Variants in KLRG1 observed in about 807,000 individuals in gnomAD.
KLRG1 encodes the protein killer cell lectin like receptor G1.
In KLRG1, 16 loss-of-function variants were observed where a neutral mutation model predicts 21.8. The observed-to-expected ratio is 0.73, with a 90% confidence interval of 0.50 to 1.11. KLRG1 has a LOEUF of 1.11. Ranked by LOEUF, KLRG1 falls within the 50% of genes most tolerant of loss-of-function variation. The pLI is 0.00. For synonymous variants in KLRG1, 69 were observed against 75.9 expected, an observed-to-expected ratio of 0.91 and a Z score of 0.47; for missense variants, 173 against 218.3, an observed-to-expected ratio of 0.79 and a Z score of 1.31.
chr12:8,952,364 G>A (rs1946219537), intron 1 of KLRG1, among the ~76,000 whole-genome samples: 1 of 152,156 alleles, frequency 6.6e-6, no homozygotes, highest in Non-Finnish European at 1.5e-5. Context: ...GCTAATCTTT[G>A]TATTTTTTGT....
the KLRG1 span, among the ~76,000 whole-genome samples, chr12:9,171,360 C>T: frequency 7.2e-4 from 110 of 152,260 alleles, no homozygotes; most frequent in Admixed American, 1.3e-3. Context: ...CAAAGGGCAG[C>T]AGCCTCAAGG....
At chr12:9,093,614 C>A in the KLRG1 span, 2 of 1,206,524 alleles carry the variant, frequency 1.7e-6, no homozygotes, top group Non-Finnish European at 2.3e-6. Flanking sequence ...TTACAATAAA[C>A]ATACAGATAA....
At chr12:9,196,854 G>A in the KLRG1 span, among the ~76,000 whole-genome samples, 4 of 151,976 alleles carry the variant, frequency 2.6e-5, no homozygotes, top group South Asian at 2.1e-4. Context: ...AAAGTTAGTC[G>A]TCCAAATGAG....
chr12:9,115,949 G>T, the KLRG1 span: 1 of 942,120 alleles, frequency 1.1e-6, no homozygotes, highest in Non-Finnish European at 1.7e-6. Context: ...TGGGCTTTAT[G>T]CTGCTCTGTG....
chr12:9,165,469 C>T, the KLRG1 span: 13 of 1,327,806 alleles, frequency 9.8e-6, no homozygotes, highest in South Asian at 5.4e-5. Context: ...ACTGAATCCA[C>T]TTAAGGGTAT....
At chr12:9,113,539 A>G in the KLRG1 span, 1 of 1,613,402 alleles carries the variant, frequency 6.2e-7, no homozygotes, top group East Asian at 2.2e-5. Context: ...AGAACCATAT[A>G]CTGCCTGGGA....
At chr12:9,017,726 A>G in the KLRG1 span, among the ~76,000 whole-genome samples, 1 of 152,166 alleles carries the variant, frequency 6.6e-6, no homozygotes, top group African/African-American at 2.4e-5. Context: ...GCCCATTTTC[A>G]CCACCGTTAT....
the KLRG1 span, among the ~76,000 whole-genome samples, chr12:9,089,747 A>G: frequency 6.6e-6 from 1 of 152,192 alleles, no homozygotes; most frequent in African/African-American, 2.4e-5. Flanking sequence ...CCTCAAAAAC[A>G]AAAACAAAAA....
At chr12:9,157,305 T>C in the KLRG1 span, 1 of 1,614,086 alleles carries the variant, frequency 6.2e-7, no homozygotes, top group Admixed American at 1.7e-5. Context: ...CCTCCTTTGC[T>C]ACATTCCAGG....
At chr12:8,994,969 C>T (rs923225549) in intron 2 of KLRG1, 150 bp from the exon 3 acceptor site, 1 of 585,352 alleles carries the variant, frequency 1.7e-6, no homozygotes, top group African/African-American at 1.9e-5. Flanking sequence ...CAAATTGACA[C>T]CACGCATTGT....
chr12:9,065,266 A>G, the KLRG1 span: 1 of 149,718 alleles, frequency 6.7e-6, no homozygotes, highest in Non-Finnish European at 1.5e-5. Flanking sequence ...CCCCTTCCGA[A>G]CTGGTGGAGC....
chr12:8,989,846 T>C, intron 1 of KLRG1, 129 bp downstream of exon 1: 1 of 623,328 alleles, frequency 1.6e-6, no homozygotes, highest in South Asian at 2.0e-5. Flanking sequence ...TACTTTTGGT[T>C]CAGTTTAAAG....
At chr12:9,065,386 C>T in the KLRG1 span, among the ~76,000 whole-genome samples, 1 of 152,130 alleles carries the variant, frequency 6.6e-6, no homozygotes, top group Non-Finnish European at 1.5e-5. Context: ...AGGGTGCCTA[C>T]TCCGGCTGCC....
intron 1 of KLRG1, among the ~76,000 whole-genome samples, chr12:8,972,722 T>C (rs1190808088): frequency 6.6e-6 from 1 of 152,222 alleles, no homozygotes; most frequent in Non-Finnish European, 1.5e-5. Flanking sequence ...AGCTTTCTGA[T>C]ATATCTTGAA....
the KLRG1 span, chr12:9,196,652 G>A: frequency 6.2e-7 from 1 of 1,613,320 alleles, no homozygotes; most frequent in Non-Finnish European, 8.5e-7. Context: ...ATTTTGGTGT[G>A]TACTTGTTGG....
chr12:9,085,303 A>G, the KLRG1 span, among the ~76,000 whole-genome samples: 1 of 152,134 alleles, frequency 6.6e-6, no homozygotes, highest in Non-Finnish European at 1.5e-5. Context: ...GTTTCATCGT[A>G]TCAAGTATCT....
At chr12:9,184,884 A>G in the KLRG1 span, among the ~76,000 whole-genome samples, 1 of 152,198 alleles carries the variant, frequency 6.6e-6, no homozygotes, top group Non-Finnish European at 1.5e-5. Flanking sequence ...TTATACCACA[A>G]TCAAACCTCC....
chr12:9,027,755 C>T, the KLRG1 span: 7 of 1,383,614 alleles, frequency 5.1e-6, no homozygotes, highest in African/African-American at 1.4e-5. Context: ...TTACCAAATC[C>T]ATTATAGCCA....
the KLRG1 span, among the ~76,000 whole-genome samples, chr12:9,095,251 C>A: frequency 5.3e-4 from 80 of 152,276 alleles, 1 homozygote; most frequent in East Asian, 0.015. Context: ...TAATTTTATT[C>A]TTTTCATTAA....
Sources: gnomAD v4.1 joint callset for allele counts (sites outside exome capture counted in the v4.1 genomes callset) on GRCh38, gnomAD v4.1.1 for gene constraint, MANE v1.5 for transcripts, NCBI Gene and HGNC (gene_info 2026-07-23, HGNC 2026-07-21) for gene names.